The following GALNT17 variants were observed in gnomAD, a reference collection of about 807,000 sequenced individuals.
GALNT17 encodes polypeptide N-acetylgalactosaminyltransferase 17.
GALNT17 carries 29 observed loss-of-function variants against 63.7 expected under a neutral mutation model. That is an observed-to-expected ratio of 0.46 (90% CI 0.34 to 0.62). The LOEUF (loss-of-function observed/expected upper bound fraction) is 0.62, where lower values mean the gene tolerates loss of function less well. Among genes scored for constraint, GALNT17 ranks in the 20% least tolerant of loss-of-function variants. The probability of loss-of-function intolerance (pLI) is 0.01; values close to 1 mark genes in which losing one functional copy is unlikely to be tolerated. For synonymous variants in GALNT17, 305 were observed against 318.3 expected (o/e 0.96, Z 0.45); for missense variants, 603 against 799.6 (o/e 0.75, Z 2.97).
chr7:71,560,352 T>A (rs899300041), intron 5 of GALNT17, among the ~76,000 whole-genome samples: 2 of 152,084 alleles, frequency 1.3e-5, no homozygotes, highest in African/African-American at 4.8e-5. Context: ...CACCGTGGCT[T>A]ACCGTTATCC....
At chr7:71,613,469 G>T (rs1028295827) in intron 6 of GALNT17, among the ~76,000 whole-genome samples, 21 of 152,150 alleles carry the variant, frequency 1.4e-4, no homozygotes, top group African/African-American at 5.1e-4. Flanking sequence ...AAGCAGCCCT[G>T]GGAAGCAGTG....
At chr7:71,606,046 C>T (rs182757465) in intron 6 of GALNT17, among the ~76,000 whole-genome samples, 2 of 152,094 alleles carry the variant, frequency 1.3e-5, no homozygotes, top group Admixed American at 1.3e-4. Flanking sequence ...CTCAAGGGAT[C>T]CTCCCACCTT....
In GALNT17 at chr7:71,489,255, C is replaced by CT. The variant is rs532875345; in HGVS notation, c.962+68151dup. Reference sequence around the variant, plus strand: ...ATACTGTGGCTCTAGGGGCCACACTCTAAGAACCTTCAGATGGGTCAGCCG... The same window carrying CT: ...ATACTGTGGCTCTAGGGGCCACACTCTTAAGAACCTTCAGATGGGTCAGCCG... On this transcript the variant is annotated intron_variant, in intron 5 of 10. Coordinates refer to ENST00000333538, the MANE Select transcript of GALNT17 (RefSeq NM_022479.3). Among the ~76,000 whole-genome samples, 37 of 152,238 alleles carry CT rather than the reference C, an allele frequency of 2.4e-4. No homozygotes were observed. In the East Asian group the frequency reaches 5.8e-3, roughly 24 times the overall value.
At chr7:71,153,686 G>T (rs1047746775) in intron 1 of GALNT17, among the ~76,000 whole-genome samples, 24 of 152,140 alleles carry the variant, frequency 1.6e-4, no homozygotes, top group African/African-American at 5.8e-4. Context: ...GGAGGCCGAG[G>T]CCGGTGGATC....
At chr7:71,152,051 TA>T in intron 1 of GALNT17, among the ~76,000 whole-genome samples, 1 of 152,288 alleles carries the variant, frequency 6.6e-6, no homozygotes, top group South Asian at 2.1e-4. Flanking sequence ...TTAATGATGT[TA>T]AAAACTTTGC....
chr7:71,310,741 C>T (rs1218581916), intron 1 of GALNT17, among the ~76,000 whole-genome samples: 1 of 152,202 alleles, frequency 6.6e-6, no homozygotes, highest in Non-Finnish European at 1.5e-5. Context: ...GAAGACTTTC[C>T]TTTCTATTGG....
At chr7:71,669,546 A>T (rs2117054202) in intron 7 of GALNT17, among the ~76,000 whole-genome samples, 2 of 149,278 alleles carry the variant, frequency 1.3e-5, no homozygotes, top group Middle Eastern at 7.0e-3. Flanking sequence ...GAATAAGCAT[A>T]CGAGGCTTAA....
At chr7:71,558,916 G>A (rs1789208008) in intron 5 of GALNT17, among the ~76,000 whole-genome samples, 1 of 151,870 alleles carries the variant, frequency 6.6e-6, no homozygotes, top group African/African-American at 2.4e-5. Context: ...GTTTTTTTCT[G>A]CATCTGTGAA....
chr7:71,618,385 T>C (rs1790247850), intron 6 of GALNT17, among the ~76,000 whole-genome samples: 1 of 152,206 alleles, frequency 6.6e-6, no homozygotes, highest in African/African-American at 2.4e-5. Context: ...TTGAGAAATC[T>C]TGAAGCTGCT....
At chr7:71,490,244 G>A (rs1185344041) in intron 5 of GALNT17, among the ~76,000 whole-genome samples, 2 of 146,368 alleles carry the variant, frequency 1.4e-5, no homozygotes, top group Admixed American at 6.8e-5. Context: ...GTGATAGGGC[G>A]AGACTCTGTC....
At chr7:71,293,969 C>T (rs1791030612) in intron 1 of GALNT17, among the ~76,000 whole-genome samples, 1 of 152,078 alleles carries the variant, frequency 6.6e-6, no homozygotes, top group Non-Finnish European at 1.5e-5. Context: ...ACCATCCTGG[C>T]TAACACGGTA....
chr7:71,391,761 A>T (rs1277234286), intron 3 of GALNT17, among the ~76,000 whole-genome samples: 1 of 152,184 alleles, frequency 6.6e-6, no homozygotes, highest in African/African-American at 2.4e-5. Flanking sequence ...TGCTGGGATT[A>T]CAGGTGTGAG....
Position 71,682,260 on chromosome 7 carries a change from A to G in GALNT17, c.1500+4954A>G, listed in dbSNP as rs961656082. ...AGGTTTTTAAAGCCACTCAGGAAGCACGTGGGTGAACCTGAGGGCTGGGAT... is the reference window on the plus strand; with the variant it reads ...AGGTTTTTAAAGCCACTCAGGAAGCGCGTGGGTGAACCTGAGGGCTGGGAT... On this transcript the variant is annotated intron_variant, in intron 9 of 10. Coordinates refer to ENST00000333538, the MANE Select transcript of GALNT17 (RefSeq NM_022479.3). Among the ~76,000 whole-genome samples, 7 of 152,240 alleles carry G rather than the reference A, an allele frequency of 4.6e-5. No individual in the cohort carries two copies. The South Asian group carries it at 1.5e-3, about 32-fold the overall frequency.
At chr7:71,532,348 A>G (rs1363345659) in intron 5 of GALNT17, among the ~76,000 whole-genome samples, 2 of 152,166 alleles carry the variant, frequency 1.3e-5, no homozygotes, top group African/African-American at 4.8e-5. Flanking sequence ...TTGCCCCAGT[A>G]TCACAGTTCA....
chr7:71,494,942 C>T (rs1221945244), intron 5 of GALNT17, among the ~76,000 whole-genome samples: 1 of 152,124 alleles, frequency 6.6e-6, no homozygotes, highest in Non-Finnish European at 1.5e-5. Flanking sequence ...GCAACTGCCC[C>T]CATGATTCAA....
chr7:71,321,983 G>A (rs1791626108), intron 1 of GALNT17, among the ~76,000 whole-genome samples: 1 of 51,000 alleles, frequency 2.0e-5, no homozygotes, highest in African/African-American at 8.3e-5. Flanking sequence ...ACAGAGTTTT[G>A]CTCTGACACC....
At chr7:71,668,912 A>G (rs999235739) in intron 7 of GALNT17, among the ~76,000 whole-genome samples, 2 of 152,250 alleles carry the variant, frequency 1.3e-5, no homozygotes, top group African/African-American at 2.4e-5. Context: ...TGAACTTCGC[A>G]AAGAGCCAAC....
chr7:71,342,708 G>C (rs1012176505), intron 2 of GALNT17, among the ~76,000 whole-genome samples: 1 of 152,082 alleles, frequency 6.6e-6, no homozygotes, highest in African/African-American at 2.4e-5. Flanking sequence ...TGTGAGGTGG[G>C]GGTTTGTAAG....
At chr7:71,483,128 C>T (rs1787850843) in intron 5 of GALNT17, among the ~76,000 whole-genome samples, 1 of 152,276 alleles carries the variant, frequency 6.6e-6, no homozygotes, top group South Asian at 2.1e-4. Flanking sequence ...GTCTAAGGCA[C>T]TTACCATGAA....
Sources: gnomAD v4.1 joint callset for allele counts (sites outside exome capture counted in the v4.1 genomes callset) on GRCh38, gnomAD v4.1.1 for gene constraint, MANE v1.5 for transcripts, NCBI Gene and HGNC (gene_info 2026-07-23, HGNC 2026-07-21) for gene names.